PATJ: variants seen among roughly 807,000 people sequenced by gnomAD.
The protein encoded by PATJ is PATJ crumbs cell polarity complex component, also known as inaD-like protein.
Under a neutral mutation model 224.9 loss-of-function variants are expected in PATJ, and 190 were observed. That is an observed-to-expected ratio of 0.84 (90% CI 0.75 to 0.95). PATJ has a LOEUF of 0.95. Ranked by LOEUF, PATJ falls within the 40% of genes least tolerant of loss-of-function variation. PATJ has a pLI of 0.00. For synonymous variants in PATJ, 769 were observed against 820.3 expected, an observed-to-expected ratio of 0.94 and a Z score of 1.07; for missense variants, 2,121 against 2,270.3, an observed-to-expected ratio of 0.93 and a Z score of 1.34.
At chr1:62,158,778 G>C (rs2149072797) in intron 43 of PATJ, among the ~76,000 whole-genome samples, 1 of 142,730 alleles carries the variant, frequency 7.0e-6, no homozygotes, top group South Asian at 2.2e-4. Context: ...GTGAAACTCT[G>C]TTTCTACTAA....
intron 41 of PATJ, among the ~76,000 whole-genome samples, chr1:62,144,833 CTTTG>C (rs980019524): frequency 5.7e-5 from 8 of 141,460 alleles, no homozygotes; most frequent in African/African-American, 2.1e-4. Context: ...TCTACTATAC[CTTTG>C]TTTTTGTTTG....
At chr1:62,039,054 CATT>C in intron 30 of PATJ, 1 of 917,882 alleles carries the variant, frequency 1.1e-6, no homozygotes, top group Admixed American at 1.7e-5. Flanking sequence ...ATAATGGGAA[CATT>C]ATGATCCAGA....
chr1:61,914,593 C>A lies in PATJ; in HGVS notation c.3499C>A (p.Pro1167Thr). The A allele has an allele frequency of 1.3e-6, 2 of 1,518,366 alleles. No individual in the cohort carries two copies. Among genetic ancestry groups the A allele is most frequent in the African/African-American group, 1.4e-5 (1 of 73,210 alleles). The allele number at this position is 1,518,366 out of a possible 1,614,324, so 94.1% of individuals were successfully genotyped here. Residue 1167 changes from proline (P) to threonine (T), a missense_variant, in exon 26 of 44, where the codon CCT becomes ACT. Physicochemically the swap from Pro to Thr is conservative, Grantham distance 38. Transcript: ENST00000642238. ...CCTTTTTTTGTCACCATAGGTCATT[C>A]CTAACGTACATAACAAGGCCAACAA... is the stretch of plus-strand genomic sequence containing the variant. ...QSLSSTPRVI[P>T]NVHNKANKIT...
At chr1:61,919,038 A>G (rs1673883858) in intron 26 of PATJ, among the ~76,000 whole-genome samples, 1 of 152,114 alleles carries the variant, frequency 6.6e-6, no homozygotes, top group South Asian at 2.1e-4. Flanking sequence ...ATTGGTAATT[A>G]TTTGCTATAT....
chr1:61,807,702 T>G (rs748150624), intron 13 of PATJ, among the ~76,000 whole-genome samples: 6 of 152,212 alleles, frequency 3.9e-5, no homozygotes, highest in Non-Finnish European at 7.3e-5. Flanking sequence ...ATATTTCTTA[T>G]TTTGTTAAAA....
Position 61,827,508 on chromosome 1 carries a change from CTGT to C in PATJ, c.1906_1908del (p.Cys636del). On this transcript the variant is annotated inframe_deletion, in exon 16 of 44. Transcript: ENST00000642238. ...TGCCACCCCCTTTTACTTTGGTTTG[CTGT>C]CGGAGGTTGTTTGATGATGAAGCTT... 6.2e-7 allele frequency: 1 copy of C among 1,613,996 alleles called. No individual in the cohort carries two copies. Among genetic ancestry groups the C allele is most frequent in the South Asian group, 1.1e-5 (1 of 91,042 alleles).
At chr1:61,957,575 G>A (rs918062504) in intron 27 of PATJ, among the ~76,000 whole-genome samples, 2 of 152,152 alleles carry the variant, frequency 1.3e-5, no homozygotes, top group Admixed American at 6.6e-5. Flanking sequence ...TTCAGGGCAA[G>A]TTACGGGATA....
At chr1:62,045,915 T>C (rs1294337292) in intron 30 of PATJ, among the ~76,000 whole-genome samples, 1 of 152,136 alleles carries the variant, frequency 6.6e-6, no homozygotes, top group Non-Finnish European at 1.5e-5. Flanking sequence ...ATCCACATTG[T>C]TGTGGCCAGG....
intron 30 of PATJ, among the ~76,000 whole-genome samples, chr1:62,041,580 T>C (rs1174160269): frequency 6.6e-6 from 1 of 152,206 alleles, no homozygotes; most frequent in Non-Finnish European, 1.5e-5. Context: ...GAGTCATGGA[T>C]AAACCTAGAT....
At chr1:62,095,087 G>A (rs1354699489) in intron 33 of PATJ, among the ~76,000 whole-genome samples, 2 of 152,132 alleles carry the variant, frequency 1.3e-5, no homozygotes, top group African/African-American at 4.8e-5. Flanking sequence ...GAGCTGGCAG[G>A]CAAAACAACA....
At chr1:62,131,591 T>A (rs1212177389) in intron 41 of PATJ, among the ~76,000 whole-genome samples, 1 of 151,712 alleles carries the variant, frequency 6.6e-6, no homozygotes, top group African/African-American at 2.4e-5. Context: ...GAGGTTGCAA[T>A]GAGCCAAGAT....
At chr1:61,964,809 A>G (rs546538161) in intron 27 of PATJ, among the ~76,000 whole-genome samples, 7 of 151,888 alleles carry the variant, frequency 4.6e-5, no homozygotes, top group African/African-American at 1.7e-4. Context: ...AAAGAAATAA[A>G]AAAGGTATTT....
At chr1:61,841,360 A>G (rs1557739862) in intron 17 of PATJ, among the ~76,000 whole-genome samples, 1 of 152,300 alleles carries the variant, frequency 6.6e-6, no homozygotes, top group East Asian at 1.9e-4. Flanking sequence ...CTTCATGTTC[A>G]TCTTAGCTAA....
At chr1:61,855,969 C>G in intron 17 of PATJ, 61 bp from the exon 18 acceptor site, 1 of 1,269,256 alleles carries the variant, frequency 7.9e-7, no homozygotes, top group Middle Eastern at 2.3e-4. Context: ...TCAAGCTGTC[C>G]TAAGGCTGCA....
At chr1:61,986,263 T>A (rs1215064325) in intron 27 of PATJ, among the ~76,000 whole-genome samples, 1 of 152,094 alleles carries the variant, frequency 6.6e-6, no homozygotes, top group Non-Finnish European at 1.5e-5. Flanking sequence ...CATTTATTCT[T>A]GCACTAAATA....
chr1:61,917,303 T>A (rs1279578670), intron 26 of PATJ, among the ~76,000 whole-genome samples: 2 of 152,206 alleles, frequency 1.3e-5, no homozygotes, highest in Non-Finnish European at 2.9e-5. Flanking sequence ...AGGTCAGGTC[T>A]CTTTCACTGC....
At chr1:62,099,385 A>G (rs531168557) in intron 33 of PATJ, among the ~76,000 whole-genome samples, 3 of 38,726 alleles carry the variant, frequency 7.7e-5, no homozygotes, top group African/African-American at 2.3e-4. Flanking sequence ...TTTGGTCCTC[A>G]TGGGTTTTTC....
At chr1:61,935,549 T>A (rs1322738464) in intron 27 of PATJ, among the ~76,000 whole-genome samples, 1 of 152,096 alleles carries the variant, frequency 6.6e-6, no homozygotes, top group Non-Finnish European at 1.5e-5. Context: ...TCCCAGCACT[T>A]TGGGAGGCCA....
chr1:61,763,128 C>T lies in PATJ; in HGVS notation c.138C>T (p.Leu46=), dbSNP rs145643669. The T allele has an allele frequency of 7.3e-5, 117 of 1,607,962 alleles. 1 individual carries two copies. The African/African-American group carries it at 1.3e-3, about 19-fold the overall frequency. ...TTTATGAGACACTAAAGAGTCCTCTCTTCAACCAGATACTCACACTTCAGC... is the reference window on the plus strand; with the variant it reads ...TTTATGAGACACTAAAGAGTCCTCTTTTCAACCAGATACTCACACTTCAGC... ...SMFYETLKSP[L]FNQILTLQQS... Residue 46 remains leucine (L), a synonymous_variant, in exon 3 of 44, where the codon CTC becomes CTT. Transcript: ENST00000642238.
Sources: gnomAD v4.1 joint callset for allele counts (sites outside exome capture counted in the v4.1 genomes callset) on GRCh38, gnomAD v4.1.1 for gene constraint, MANE v1.5 for transcripts, NCBI Gene and HGNC (gene_info 2026-07-23, HGNC 2026-07-21) for gene names.